The following SCHIP1 variants were observed in gnomAD, a reference collection of about 807,000 sequenced individuals.
SCHIP1 encodes the protein schwannomin-interacting protein 1.
SCHIP1 carries 8 observed loss-of-function variants against 29.7 expected under a neutral mutation model. The observed-to-expected ratio is 0.27, with a 90% confidence interval of 0.16 to 0.49. The LOEUF (loss-of-function observed/expected upper bound fraction) is 0.49, where lower values mean the gene tolerates loss of function less well. SCHIP1 is among the 20% of genes least tolerant of loss of function. SCHIP1 has a pLI of 0.99. For synonymous variants in SCHIP1, 76 were observed against 94.9 expected (o/e 0.80, Z 1.16); for missense variants, 193 against 294.6 (o/e 0.66, Z 2.52).
chr3:159,458,942 C>A, the SCHIP1 span, among the ~76,000 whole-genome samples: 1 of 152,124 alleles, frequency 6.6e-6, no homozygotes, highest in Admixed American at 6.6e-5. Flanking sequence ...ATTCTTAATG[C>A]AGTTTAACAT....
the SCHIP1 span, among the ~76,000 whole-genome samples, chr3:159,380,020 G>A: frequency 6.6e-6 from 1 of 152,152 alleles, no homozygotes; most frequent in African/African-American, 2.4e-5. Context: ...CTAAGATGTG[G>A]ATTTAATTTT....
At chr3:159,302,915 T>C in the SCHIP1 span, among the ~76,000 whole-genome samples, 6 of 152,186 alleles carry the variant, frequency 3.9e-5, no homozygotes, top group South Asian at 2.1e-4. Flanking sequence ...AACACTTTCA[T>C]TGTGGCTAGG....
chr3:159,792,331 A>G, the SCHIP1 span, among the ~76,000 whole-genome samples: 2 of 152,190 alleles, frequency 1.3e-5, no homozygotes, highest in Non-Finnish European at 2.9e-5. Context: ...TTCCAGTTCT[A>G]CCGCCTAAGA....
the SCHIP1 span, among the ~76,000 whole-genome samples, chr3:159,521,543 CAT>C: frequency 6.6e-6 from 1 of 152,212 alleles, no homozygotes; most frequent in Non-Finnish European, 1.5e-5. Context: ...TCCAGGTGAT[CAT>C]ATGTTTCACC....
chr3:159,671,481 G>A, the SCHIP1 span, among the ~76,000 whole-genome samples: 2 of 152,074 alleles, frequency 1.3e-5, no homozygotes, highest in Non-Finnish European at 2.9e-5. Context: ...CCCATCCCTT[G>A]TTCAAATCAT....
the SCHIP1 span, among the ~76,000 whole-genome samples, chr3:159,286,608 A>G: frequency 2.8e-4 from 42 of 152,298 alleles, no homozygotes; most frequent in Non-Finnish European, 4.6e-4. Context: ...ATTGTTGGGT[A>G]GAATGATAAT....
chr3:159,509,728 A>G, the SCHIP1 span, among the ~76,000 whole-genome samples: 3 of 152,092 alleles, frequency 2.0e-5, no homozygotes, highest in African/African-American at 4.8e-5. Flanking sequence ...CACTTGTGAA[A>G]CTTAGTTTGG....
At chr3:159,784,945 G>T in the SCHIP1 span, among the ~76,000 whole-genome samples, 1 of 152,144 alleles carries the variant, frequency 6.6e-6, no homozygotes, top group South Asian at 2.1e-4. Context: ...GAGCCACTGC[G>T]CCTGGCCCAA....
chr3:159,352,997 G>C, the SCHIP1 span, among the ~76,000 whole-genome samples: 37 of 152,252 alleles, frequency 2.4e-4, no homozygotes, highest in African/African-American at 8.2e-4. Context: ...GAACAGGATA[G>C]AATAAACGGT....
At chr3:159,319,367 G>A in the SCHIP1 span, among the ~76,000 whole-genome samples, 2,597 of 152,260 alleles carry the variant, frequency 0.017, 75 homozygotes, top group African/African-American at 0.06. Flanking sequence ...AAAGGTTGGG[G>A]CATGAAAAGC....
chr3:159,571,289 T>A, the SCHIP1 span, among the ~76,000 whole-genome samples: 1 of 152,212 alleles, frequency 6.6e-6, no homozygotes, highest in Non-Finnish European at 1.5e-5. Context: ...TAGCTATTAT[T>A]TTGAGATACG....
the SCHIP1 span, among the ~76,000 whole-genome samples, chr3:159,557,040 C>T: frequency 1.3e-5 from 2 of 151,648 alleles, no homozygotes; most frequent in Non-Finnish European, 2.9e-5. Flanking sequence ...TCACCACAAG[C>T]TCCGCCTCCC....
chr3:159,434,390 T>A, the SCHIP1 span, among the ~76,000 whole-genome samples: 1 of 152,034 alleles, frequency 6.6e-6, no homozygotes, highest in Non-Finnish European at 1.5e-5. Context: ...AAAACCCAAC[T>A]AATAGTGACC....
At chr3:159,522,750 T>C in the SCHIP1 span, among the ~76,000 whole-genome samples, 1 of 152,172 alleles carries the variant, frequency 6.6e-6, no homozygotes, top group African/African-American at 2.4e-5. Context: ...AAGCCTGTAG[T>C]CCCAGCTGCA....
At chr3:159,438,372 C>T in the SCHIP1 span, among the ~76,000 whole-genome samples, 1 of 152,118 alleles carries the variant, frequency 6.6e-6, no homozygotes, top group Non-Finnish European at 1.5e-5. Context: ...TCAATCCCCT[C>T]AATCCAGAGC....
At chr3:159,746,693 T>C in the SCHIP1 span, among the ~76,000 whole-genome samples, 1 of 152,112 alleles carries the variant, frequency 6.6e-6, no homozygotes, top group Non-Finnish European at 1.5e-5. Context: ...TTCCTACCAT[T>C]TCCAGCCTCT....
At chr3:159,522,986 G>A in the SCHIP1 span, among the ~76,000 whole-genome samples, 1 of 151,960 alleles carries the variant, frequency 6.6e-6, no homozygotes, top group Non-Finnish European at 1.5e-5. Flanking sequence ...GCAAAAATAG[G>A]CCGAGTAATA....
the SCHIP1 span, among the ~76,000 whole-genome samples, chr3:159,386,557 T>A: frequency 2.0e-5 from 3 of 151,748 alleles, no homozygotes; most frequent in African/African-American, 7.3e-5. Flanking sequence ...AAATTTCATA[T>A]GGAACCAAAA....
At chr3:159,449,220 C>T in the SCHIP1 span, among the ~76,000 whole-genome samples, 1,768 of 152,158 alleles carry the variant, frequency 0.012, 13 homozygotes, top group Middle Eastern at 0.027. Flanking sequence ...ATCTAATGTA[C>T]CTCTCTTGAC....
Sources: gnomAD v4.1 joint callset for allele counts (sites outside exome capture counted in the v4.1 genomes callset) on GRCh38, gnomAD v4.1.1 for gene constraint, MANE v1.5 for transcripts, NCBI Gene and HGNC (gene_info 2026-07-23, HGNC 2026-07-21) for gene names.